TRIM38: variants seen among roughly 807,000 people sequenced by gnomAD.
TRIM38 encodes E3 ubiquitin-protein ligase TRIM38.
A neutral mutation model predicts 35.8 loss-of-function variants in TRIM38; 35 were observed. That is an observed-to-expected ratio of 0.98 (90% CI 0.75 to 1.30). TRIM38 has a LOEUF of 1.30. Ranked by LOEUF, TRIM38 falls within the 50% of genes most tolerant of loss-of-function variation. TRIM38 has a pLI of 0.00. For missense variants in TRIM38, 545 were observed against 556.9 expected (o/e 0.98, Z 0.21); for synonymous variants, 198 against 204.7 (o/e 0.97, Z 0.28).
chr6:25,967,526 T>C (rs1760095436), intron 3 of TRIM38, among the ~76,000 whole-genome samples: 1 of 36,724 alleles, frequency 2.7e-5, no homozygotes, highest in Non-Finnish European at 4.8e-5. Flanking sequence ...TACCTCTACT[T>C]TTTTTTTTTT....
At position 25,983,734 on chromosome 6, in the gene TRIM38, T is replaced by G. The variant is rs1256649753; in HGVS notation, c.*47T>G. On this transcript the variant is annotated 3_prime_UTR_variant, in exon 8 of 8. Transcript: ENST00000357085. ...GGTTTAACCAGCACAGAGAAAATAATATAAATCCCATAAGGGCAGACGTTT... is the reference window on the plus strand; with the variant it reads ...GGTTTAACCAGCACAGAGAAAATAAGATAAATCCCATAAGGGCAGACGTTT... The G allele has an allele frequency of 3.4e-6, 5 of 1,490,570 alleles. No homozygotes were observed. The highest frequency in any genetic ancestry group is 4.5e-6 in the Non-Finnish European group (5 of 1,117,962). The allele number at this position is 1,490,570 out of a possible 1,614,324, so 92.3% of individuals were successfully genotyped here.
At position 25,987,475 on chromosome 6, in the gene TRIM38, GA is replaced by G. The variant is rs1291453639; in HGVS notation, c.*3790del. Reference sequence around the variant, plus strand: ...GGACCAGTCCCATCATGCCCATCATGAAGACTCGATCTGCTAGGATCTCAAC... The same window carrying G: ...GGACCAGTCCCATCATGCCCATCATGAGACTCGATCTGCTAGGATCTCAAC... On this transcript the variant is annotated 3_prime_UTR_variant, in exon 8 of 8. Coordinates refer to ENST00000357085, the MANE Select transcript of TRIM38 (RefSeq NM_006355.5). 1 of 152,108 alleles carries G rather than the reference GA, an allele frequency of 6.6e-6. No individual in the cohort carries two copies. Among genetic ancestry groups the G allele is most frequent in the East Asian group, 1.9e-4 (1 of 5,196 alleles). The allele number at this position is 152,108 out of a possible 1,614,324, so 9.4% of individuals were successfully genotyped here. A position where few individuals can be genotyped will look rare whatever the true frequency, so the allele number is the denominator to read the frequency against.
intron 7 of TRIM38, among the ~76,000 whole-genome samples, chr6:25,980,541 C>T (rs1386922376): frequency 6.6e-6 from 1 of 152,048 alleles, no homozygotes; most frequent in Non-Finnish European, 1.5e-5. Context: ...GTGCTTCAGC[C>T]TCCCAAGTAG....
chr6:25,973,935 T>C, intron 7 of TRIM38: 1 of 931,556 alleles, frequency 1.1e-6, no homozygotes, highest in Non-Finnish European at 1.3e-6. Flanking sequence ...AAAAAACCCC[T>C]GAAAATGGAA....
chr6:25,981,017 T>C (rs1760527728), intron 7 of TRIM38, among the ~76,000 whole-genome samples: 1 of 151,622 alleles, frequency 6.6e-6, no homozygotes, highest in African/African-American at 2.4e-5. Flanking sequence ...CTGAATAGAG[T>C]TTGAAAAAGG....
intron 7 of TRIM38, chr6:25,975,560 A>G: frequency 1.4e-5 from 13 of 942,450 alleles, no homozygotes; most frequent in Non-Finnish European, 1.6e-5. Context: ...TGTTTATTTT[A>G]TTTTACATTG....
chr6:25,975,364 G>A (rs1340082990), intron 7 of TRIM38: 1 of 178,248 alleles, frequency 5.6e-6, no homozygotes, highest in African/African-American at 2.4e-5. Flanking sequence ...ACTATGCCTG[G>A]CTGATTTTTG....
In TRIM38 at chr6:25,988,492, C is replaced by CTTTTTTTTTTTTTTTTTTTTTTTTTT. The variant is rs1259308684; in HGVS notation, c.*4808_*4809insTTTTTTTTTTTTTTTTTTTTTTTTTT. On this transcript the variant is annotated 3_prime_UTR_variant, in exon 8 of 8. Coordinates refer to ENST00000357085, the MANE Select transcript of TRIM38 (RefSeq NM_006355.5). ...TCTTTTTCTTTTTCTTTTTTCTTTTCTTTCTTTTTTTTTTTTTTTTTGAGA... is the reference window on the plus strand; with the variant it reads ...TCTTTTTCTTTTTCTTTTTTCTTTTCTTTTTTTTTTTTTTTTTTTTTTTTTTTTTCTTTTTTTTTTTTTTTTTGAGA... 1 of 30,138 alleles carries CTTTTTTTTTTTTTTTTTTTTTTTTTT rather than the reference C, an allele frequency of 3.3e-5. No individual in the cohort carries two copies. The highest frequency in any genetic ancestry group is 5.6e-5 in the Non-Finnish European group (1 of 17,848). The allele number at this position is 30,138 out of a possible 1,614,324, so 1.9% of individuals were successfully genotyped here.
chr6:25,973,897 C>G, intron 7 of TRIM38: 1 of 983,604 alleles, frequency 1.0e-6, no homozygotes, highest in Non-Finnish European at 1.2e-6. Context: ...TATACTTTCA[C>G]AAATTTGTAT....
In TRIM38 at chr6:25,989,336, G is replaced by A. The variant is rs1443715357; in HGVS notation, c.*5649G>A. ...TTTTGCAAACATTACCTGCCAATGT[G>A]TGGCTTTTCTTCAACACTTCTTTGT... is the stretch of plus-strand genomic sequence containing the variant. On this transcript the variant is annotated 3_prime_UTR_variant, in exon 8 of 8. Transcript: ENST00000357085. The A allele has an allele frequency of 1.3e-5, 2 of 152,110 alleles. No homozygotes were observed. The highest frequency in any genetic ancestry group is 2.1e-4 in the South Asian group (1 of 4,826). The allele number at this position is 152,110 out of a possible 1,614,324, so 9.4% of individuals were successfully genotyped here.
intron 7 of TRIM38, among the ~76,000 whole-genome samples, chr6:25,982,526 C>T (rs572137237): frequency 8.1e-4 from 124 of 152,276 alleles, no homozygotes; most frequent in Middle Eastern, 3.4e-3. Flanking sequence ...TTTGACCCCG[C>T]CGGACTTTGT....
intron 4 of TRIM38, among the ~76,000 whole-genome samples, chr6:25,970,011 G>A (rs752779658): frequency 1.3e-5 from 2 of 152,056 alleles, no homozygotes; most frequent in Non-Finnish European, 2.9e-5. Context: ...TCCACCTCCC[G>A]GGTTCAAGCA....
rs138171902 is a variant in TRIM38, at chr6:25,966,583, A to G, written c.61A>G (p.Ser21Gly). ...GGAAGCCACCTGCTCCATCTGCCTG[A>G]GCCTGATGACGAACCCAGTAAGCAT... ...MEEATCSICL[S>G]LMTNPVSINC... Residue 21 changes from serine (S) to glycine (G), a missense_variant, in exon 3 of 8, where the codon AGC becomes GGC. By Grantham distance (56) the Ser-to-Gly change is moderately conservative. Transcript: ENST00000357085. 149 of 1,614,140 alleles carry G rather than the reference A, an allele frequency of 9.2e-5. No homozygotes were observed. In the African/African-American group the frequency reaches 1.4e-3, roughly 15 times the overall value.
intron 3 of TRIM38, among the ~76,000 whole-genome samples, chr6:25,968,400 C>T (rs997658133): frequency 2.0e-5 from 3 of 152,194 alleles, no homozygotes; most frequent in Non-Finnish European, 4.4e-5. Flanking sequence ...TGTCTTCACA[C>T]CTTGGTTTCT....
rs375346960 is a variant in TRIM38, at chr6:25,963,991, T to TG, written c.-189+717dup. On this transcript the variant is annotated intron_variant, in intron 2 of 7. Coordinates refer to ENST00000357085, the MANE Select transcript of TRIM38 (RefSeq NM_006355.5). Reference sequence around the variant, plus strand: ...GTTGGTTGTTGTTCTTTGTGGGGGATGGGGGGGGTCGAGGTGGAGTCAAAT... The same window carrying TG: ...GTTGGTTGTTGTTCTTTGTGGGGGATGGGGGGGGGTCGAGGTGGAGTCAAAT... 4.1e-3 allele frequency among the ~76,000 whole-genome samples: 625 copies of TG among 151,028 alleles called. 3 individuals are homozygous for TG. Among genetic ancestry groups the TG allele is most frequent in the East Asian group, 0.014 (70 of 5,080 alleles).
At chr6:25,973,929 A>G in intron 7 of TRIM38, 1 of 953,618 alleles carries the variant, frequency 1.0e-6, no homozygotes, top group Non-Finnish European at 1.2e-6. Context: ...AAATCAAAAA[A>G]ACCCCTGAAA....
intron 4 of TRIM38, among the ~76,000 whole-genome samples, chr6:25,969,706 G>A (rs140152593): frequency 6.6e-6 from 1 of 152,050 alleles, no homozygotes; most frequent in African/African-American, 2.4e-5. Flanking sequence ...AAAAAGCATC[G>A]AGTGGGTCTC....
rs1326555728 is a variant in TRIM38, at chr6:25,989,723, T to C, written c.*6036T>C. The C allele has an allele frequency of 1.3e-5, 2 of 152,050 alleles. No homozygotes were observed. The highest frequency in any genetic ancestry group is 3.9e-4 in the East Asian group (2 of 5,194). The allele number at this position is 152,050 out of a possible 1,614,324, so 9.4% of individuals were successfully genotyped here. A position where few individuals can be genotyped will look rare whatever the true frequency, so the allele number is the denominator to read the frequency against. ...TTTTGAAAACAAAAAATAGTTTTTTTCTCATAGTTTTCTAACAAAATCTTC... is the reference window on the plus strand; with the variant it reads ...TTTTGAAAACAAAAAATAGTTTTTTCCTCATAGTTTTCTAACAAAATCTTC... On this transcript the variant is annotated 3_prime_UTR_variant, in exon 8 of 8. Coordinates refer to ENST00000357085, the MANE Select transcript of TRIM38 (RefSeq NM_006355.5).
Position 25,989,867 on chromosome 6 carries a change from G to T in TRIM38, c.*6180G>T, listed in dbSNP as rs1194305973. On this transcript the variant is annotated 3_prime_UTR_variant, in exon 8 of 8. Transcript: ENST00000357085. Reference sequence around the variant, plus strand: ...TTACTAGCTTAGATACTATTAGATAGTCAATATTTTTTGTTGGATATTTGA... The same window carrying T: ...TTACTAGCTTAGATACTATTAGATATTCAATATTTTTTGTTGGATATTTGA... The T allele has an allele frequency of 6.6e-6, 1 of 151,838 alleles. No homozygotes were observed. Among genetic ancestry groups the T allele is most frequent in the Non-Finnish European group, 1.5e-5 (1 of 67,996 alleles). The allele number at this position is 151,838 out of a possible 1,614,324, so 9.4% of individuals were successfully genotyped here.
Sources: allele counts gnomAD v4.1 joint callset (sites outside exome capture counted in the v4.1 genomes callset), GRCh38; gene constraint gnomAD v4.1.1; transcripts MANE v1.5; gene names NCBI Gene and HGNC (gene_info 2026-07-23, HGNC 2026-07-21).